TRPM8: variants seen among roughly 807,000 people sequenced by gnomAD.
TRPM8 encodes the protein transient receptor potential cation channel subfamily M member 8, also known as TRPM8 cationic channel.
In TRPM8, 110 loss-of-function variants were observed where a neutral mutation model predicts 133.7. The observed-to-expected ratio is 0.82, with a 90% confidence interval of 0.70 to 0.96. The LOEUF is 0.96. Among genes scored for constraint, TRPM8 ranks in the 40% least tolerant of loss-of-function variants. TRPM8 has a pLI of 0.00. For synonymous variants in TRPM8, 535 were observed against 532.3 expected, an observed-to-expected ratio of 1.01 and a Z score of -0.07; for missense variants, 1,291 against 1,379.5, an observed-to-expected ratio of 0.94 and a Z score of 1.02.
At chr2:233,999,973 C>T (rs1268296678) in intron 22 of TRPM8, among the ~76,000 whole-genome samples, 1 of 152,080 alleles carries the variant, frequency 6.6e-6, no homozygotes, top group African/African-American at 2.4e-5. Context: ...TACTACTGTT[C>T]CAAAATTGAT....
intron 14 of TRPM8, among the ~76,000 whole-genome samples, chr2:233,965,441 A>C (rs1691543572): frequency 6.6e-6 from 1 of 152,216 alleles, no homozygotes; most frequent in African/African-American, 2.4e-5. Flanking sequence ...CAGTCCTCGA[A>C]CAAAGCTTGC....
intron 2 of TRPM8, among the ~76,000 whole-genome samples, chr2:233,929,359 G>A (rs543341615): frequency 2.0e-5 from 3 of 152,350 alleles, no homozygotes; most frequent in African/African-American, 7.2e-5. Flanking sequence ...GATACCACAG[G>A]ACTTGCAGGG....
At chr2:233,947,929 T>C (rs528501814) in intron 8 of TRPM8, among the ~76,000 whole-genome samples, 6 of 152,328 alleles carry the variant, frequency 3.9e-5, no homozygotes, top group East Asian at 1.9e-4. Flanking sequence ...TAGTACCCCA[T>C]AGGTAGTTTA....
chr2:233,927,090 G>C (rs564851748), intron 2 of TRPM8, among the ~76,000 whole-genome samples: 7 of 152,210 alleles, frequency 4.6e-5, no homozygotes, highest in African/African-American at 1.7e-4. Context: ...CCCTCCTGCA[G>C]GTTTTCCACC....
chr2:233,926,684 G>A (rs758781389), intron 2 of TRPM8, 30 bp downstream of exon 2: 2 of 1,548,440 alleles, frequency 1.3e-6, no homozygotes, highest in African/African-American at 1.4e-5. Flanking sequence ...TGTTTGAAAG[G>A]TTATCATTGT....
chr2:233,936,143 T>A (rs958732084), intron 3 of TRPM8, among the ~76,000 whole-genome samples: 4 of 151,022 alleles, frequency 2.6e-5, no homozygotes, highest in African/African-American at 9.8e-5. Flanking sequence ...TAAAAGGAGG[T>A]GTTTTGTTTG....
intron 14 of TRPM8, 48 bp from the exon 15 acceptor site, chr2:233,966,562 C>G (rs947553908): frequency 2.5e-6 from 4 of 1,610,400 alleles, no homozygotes; most frequent in Non-Finnish European, 3.4e-6. Flanking sequence ...CAGTTTCGGT[C>G]ATGTGCAGCT....
At position 233,939,168 on chromosome 2, in the gene TRPM8, G is replaced by A. The variant is rs1690841059; in HGVS notation, c.519G>A (p.Gln173=). ...KIFSRLIYIA[Q]SKGAWILTGG... ...TCAGCCGGCTCATCTACATCGCGCA[G>A]TCCAAAGGTGAGGGTGGGAGCAGCG... The change falls in exon 5 of 26, where the codon CAG becomes CAA. Residue 173 remains glutamine (Q), a synonymous_variant. Coordinates refer to ENST00000324695, the MANE Select transcript of TRPM8 (RefSeq NM_024080.5). 1.2e-6 allele frequency: 2 copies of A among 1,613,862 alleles called. No individual in the cohort carries two copies. Among genetic ancestry groups the A allele is most frequent in the Admixed American group, 3.3e-5 (2 of 60,008 alleles).
intron 22 of TRPM8, among the ~76,000 whole-genome samples, chr2:234,001,483 A>G (rs1401090965): frequency 1.3e-5 from 2 of 152,080 alleles, no homozygotes; most frequent in African/African-American, 4.8e-5. Context: ...GTTCTGATAA[A>G]TTTCAGAAGC....
At chr2:233,941,892 G>C (rs1359737685) in intron 5 of TRPM8, among the ~76,000 whole-genome samples, 1 of 151,966 alleles carries the variant, frequency 6.6e-6, no homozygotes, top group Non-Finnish European at 1.5e-5. Flanking sequence ...ACCAATATGG[G>C]GGTCCAGGAG....
intron 14 of TRPM8, 70 bp downstream of exon 14, chr2:233,964,827 C>G: frequency 6.8e-7 from 1 of 1,479,098 alleles, no homozygotes; most frequent in Non-Finnish European, 9.1e-7. Flanking sequence ...GCCAGCGGCA[C>G]TCATAGACCA....
intron 21 of TRPM8, among the ~76,000 whole-genome samples, chr2:233,991,383 G>C (rs1200397064): frequency 2.0e-5 from 3 of 152,078 alleles, no homozygotes; most frequent in Admixed American, 6.5e-5. Flanking sequence ...CTGCTTTTTT[G>C]ATGTTGCAGA....
At chr2:233,961,201 C>T in intron 12 of TRPM8, 135 bp downstream of exon 12, 7 of 861,494 alleles carry the variant, frequency 8.1e-6, no homozygotes, top group Middle Eastern at 3.6e-4. Context: ...ATTTTTTTAA[C>T]TCCCTTTATT....
intron 3 of TRPM8, among the ~76,000 whole-genome samples, chr2:233,932,490 G>A (rs1045170846): frequency 6.6e-6 from 1 of 152,160 alleles, no homozygotes; most frequent in African/African-American, 2.4e-5. Context: ...GATTGGCAAG[G>A]CTTGGGAGAT....
chr2:233,929,002 T>TC (rs1308861582), intron 2 of TRPM8, among the ~76,000 whole-genome samples: 1 of 135,436 alleles, frequency 7.4e-6, no homozygotes, highest in African/African-American at 2.9e-5. Context: ...CTTTTCTTTT[T>TC]TTTTTTATTT....
At chr2:233,983,277 T>C (rs1692059098) in intron 20 of TRPM8, 53 bp downstream of exon 20, 1 of 1,608,304 alleles carries the variant, frequency 6.2e-7, no homozygotes, top group African/African-American at 1.3e-5. Flanking sequence ...ATTTGCTCCC[T>C]GAACCAACCC....
At chr2:233,946,986 A>T in intron 7 of TRPM8, 102 bp from the exon 8 acceptor site, 1 of 999,676 alleles carries the variant, frequency 1.0e-6, no homozygotes, top group Non-Finnish European at 1.5e-6. Context: ...ATCTCTCCAC[A>T]CCCTAGGCTC....
At chr2:233,930,110 G>A (rs1472315700) in intron 2 of TRPM8, among the ~76,000 whole-genome samples, 1 of 152,132 alleles carries the variant, frequency 6.6e-6, no homozygotes, top group Non-Finnish European at 1.5e-5. Context: ...GAGGAGTGTA[G>A]GTATTTTTAA....
At chr2:233,937,139 G>A (rs896750635) in intron 3 of TRPM8, among the ~76,000 whole-genome samples, 9 of 151,838 alleles carry the variant, frequency 5.9e-5, no homozygotes, top group South Asian at 2.1e-4. Context: ...CAAGTTATCC[G>A]CCCACCTCAC....
Sources: allele counts gnomAD v4.1 joint callset (sites outside exome capture counted in the v4.1 genomes callset), GRCh38; gene constraint gnomAD v4.1.1; transcripts MANE v1.5; gene names NCBI Gene and HGNC (gene_info 2026-07-23, HGNC 2026-07-21).